SHISA9: variants seen among roughly 807,000 people sequenced by gnomAD.
SHISA9 encodes the protein protein shisa-9.
A neutral mutation model predicts 38.0 loss-of-function variants in SHISA9; 13 were observed. The ratio of observed to expected loss-of-function variants is 0.34; its 90% CI spans 0.22 to 0.54. SHISA9 has a LOEUF of 0.54. Ranked by LOEUF, SHISA9 falls within the 20% of genes least tolerant of loss-of-function variation. The probability of loss-of-function intolerance (pLI) is 0.91; values close to 1 mark genes in which losing one functional copy is unlikely to be tolerated. For synonymous variants in SHISA9, 275 were observed against 242.0 expected, an observed-to-expected ratio of 1.14 and a Z score of -1.27; for missense variants, 538 against 575.8, an observed-to-expected ratio of 0.93 and a Z score of 0.67.
chr16:13,204,242 A>C (rs964102969), intron 3 of SHISA9, among the ~76,000 whole-genome samples: 5 of 150,980 alleles, frequency 3.3e-5, no homozygotes, highest in African/African-American at 9.8e-5. Flanking sequence ...CTATCTATCT[A>C]TCTATCTACC....
chr16:13,140,864 G>A (rs1244519148), intron 2 of SHISA9, among the ~76,000 whole-genome samples: 1 of 152,150 alleles, frequency 6.6e-6, no homozygotes, highest in Non-Finnish European at 1.5e-5. Flanking sequence ...GTATGAGACT[G>A]GATGTACAAA....
the SHISA9 span, among the ~76,000 whole-genome samples, chr16:13,370,810 G>GAACC: frequency 2.0e-5 from 3 of 152,058 alleles, no homozygotes; most frequent in Non-Finnish European, 4.4e-5. Flanking sequence ...AAGGACTCTA[G>GAACC]TCTGAAAGAG....
chr16:12,967,031 C>T (rs563466515), intron 2 of SHISA9, among the ~76,000 whole-genome samples: 186 of 152,270 alleles, frequency 1.2e-3, no homozygotes, highest in African/African-American at 4.2e-3. Context: ...CTAGGAATAC[C>T]ATTTGACCCA....
At chr16:13,207,237 AT>A (rs1320472251) in intron 3 of SHISA9, among the ~76,000 whole-genome samples, 15 of 152,300 alleles carry the variant, frequency 9.8e-5, no homozygotes, top group African/African-American at 3.1e-4. Flanking sequence ...GCACTCCAGT[AT>A]GACACCCAGT....
At chr16:13,008,834 G>C (rs1023599344) in intron 2 of SHISA9, among the ~76,000 whole-genome samples, 1 of 151,998 alleles carries the variant, frequency 6.6e-6, no homozygotes, top group Admixed American at 6.6e-5. Context: ...TCTTAAGTAT[G>C]TCTTTAGAGC....
chr16:13,040,070 G>C (rs1030407754), intron 2 of SHISA9, among the ~76,000 whole-genome samples: 1 of 152,126 alleles, frequency 6.6e-6, no homozygotes, highest in African/African-American at 2.4e-5. Context: ...CCTCCTCCCA[G>C]ATTTCCCTGA....
intron 3 of SHISA9, among the ~76,000 whole-genome samples, chr16:13,204,437 A>C (rs980148992): frequency 4.6e-5 from 7 of 152,082 alleles, no homozygotes; most frequent in African/African-American, 1.4e-4. Flanking sequence ...TCCCACTGAC[A>C]CTTTAACCCC....
rs183946411 is a variant in SHISA9 at position 12,905,998 on chromosome 16, G to A, written c.563+3371G>A. On this transcript the variant is annotated intron_variant, in intron 1 of 4. Coordinates refer to ENST00000558583, the MANE Select transcript of SHISA9 (RefSeq NM_001145204.3). ...GCCAAATGCATCCTGGGCTGCTTAC[G>A]CAGTTAATCACTTGGAGTCCCAGCT... Among the ~76,000 whole-genome samples the A allele has an allele frequency of 6.6e-5, 10 of 152,314 alleles. 2 individuals carry two copies. Among genetic ancestry groups the A allele is most frequent in the East Asian group, 5.8e-4 (3 of 5,176 alleles).
chr16:13,282,316 A>AC, the SHISA9 span, among the ~76,000 whole-genome samples: 5 of 151,866 alleles, frequency 3.3e-5, no homozygotes, highest in Admixed American at 3.3e-4. Flanking sequence ...CATATTCAAG[A>AC]TTTTTTTGTT....
chr16:13,111,833 A>G (rs1438710), intron 2 of SHISA9, among the ~76,000 whole-genome samples: 29,827 of 152,094 alleles, frequency 0.2, 3,492 homozygotes, highest in South Asian at 0.37. Context: ...GGAGACTATG[A>G]TTGTTCCTGG....
At chr16:13,481,651 C>T in the SHISA9 span, among the ~76,000 whole-genome samples, 11 of 152,232 alleles carry the variant, frequency 7.2e-5, no homozygotes, top group South Asian at 2.3e-3. Flanking sequence ...GTACCATGCC[C>T]GGCACATAGA....
chr16:13,413,298 C>T, the SHISA9 span, among the ~76,000 whole-genome samples: 3 of 152,132 alleles, frequency 2.0e-5, no homozygotes, highest in African/African-American at 7.2e-5. Context: ...GTAAGTCATT[C>T]GTCTACTCTT....
chr16:13,486,423 C>G, the SHISA9 span, among the ~76,000 whole-genome samples: 1 of 152,176 alleles, frequency 6.6e-6, no homozygotes, highest in African/African-American at 2.4e-5. Flanking sequence ...CTCTGAAAAT[C>G]CTTCGGTTTC....
chr16:13,417,563 G>A, the SHISA9 span, among the ~76,000 whole-genome samples: 1 of 152,222 alleles, frequency 6.6e-6, no homozygotes, highest in African/African-American at 2.4e-5. Flanking sequence ...CTTTCTTCAA[G>A]TCTTCACTGT....
intron 1 of SHISA9, among the ~76,000 whole-genome samples, chr16:12,912,965 A>C (rs10153140): frequency 6.6e-6 from 1 of 151,290 alleles, no homozygotes. Context: ...CACGTGTCCA[A>C]CTCCTCGCTG....
At chr16:13,413,824 T>C in the SHISA9 span, among the ~76,000 whole-genome samples, 1 of 149,064 alleles carries the variant, frequency 6.7e-6, no homozygotes, top group Non-Finnish European at 1.5e-5. Flanking sequence ...AGTATATATA[T>C]TGGGAGAAAC....
At chr16:12,985,483 C>G (rs747455880) in intron 2 of SHISA9, among the ~76,000 whole-genome samples, 2 of 152,106 alleles carry the variant, frequency 1.3e-5, no homozygotes, top group Non-Finnish European at 1.5e-5. Flanking sequence ...CCTGCCTGGT[C>G]CCTGGCACGC....
chr16:13,088,537 G>T (rs1211934462), intron 2 of SHISA9, among the ~76,000 whole-genome samples: 1 of 152,182 alleles, frequency 6.6e-6, no homozygotes, highest in Non-Finnish European at 1.5e-5. Flanking sequence ...CACATCCCTT[G>T]TAAGTTGGAT....
chr16:13,384,493 A>G, the SHISA9 span, among the ~76,000 whole-genome samples: 1 of 152,242 alleles, frequency 6.6e-6, no homozygotes, highest in Non-Finnish European at 1.5e-5. Context: ...TGGCTATGGT[A>G]GGTTTCCAAT....
Sources: allele counts gnomAD v4.1 joint callset (sites outside exome capture counted in the v4.1 genomes callset), GRCh38; gene constraint gnomAD v4.1.1; transcripts MANE v1.5; gene names NCBI Gene and HGNC (gene_info 2026-07-23, HGNC 2026-07-21).